Variants in TMEM248 observed in about 807,000 individuals in gnomAD.
TMEM248 encodes UPF0458 protein C7orf42.
A neutral mutation model predicts 30.3 loss-of-function variants in TMEM248; 9 were observed. The observed-to-expected ratio is 0.30, with a 90% CI of 0.18 to 0.52. The LOEUF is 0.52. TMEM248 is among the 20% of genes least tolerant of loss of function. TMEM248 has a pLI of 0.97. For missense variants in TMEM248, 338 were observed against 403.3 expected (o/e 0.84, Z 1.39); for synonymous variants, 184 against 154.4 (o/e 1.19, Z -1.42).
chr7:66,928,475 A>G (rs1014573644), intron 1 of TMEM248, among the ~76,000 whole-genome samples: 7 of 152,182 alleles, frequency 4.6e-5, no homozygotes, highest in Non-Finnish European at 8.8e-5. Flanking sequence ...AGTACAAATT[A>G]CTTAAGCTCA....
Position 66,941,954 on chromosome 7 carries a change from T to C in TMEM248, c.89T>C (p.Met30Thr), listed in dbSNP as rs769429143. The C allele has an allele frequency of 6.2e-7, 1 of 1,614,152 alleles. No individual in the cohort carries two copies. The highest frequency in any genetic ancestry group is 1.3e-5 in the African/African-American group (1 of 75,032). Reference sequence around the variant, plus strand: ...GTCTTCATGATCAGCGTAAGCGCCATGGCCATAGCTTTCCTGACCCTGGGC... The same window carrying C: ...GTCTTCATGATCAGCGTAAGCGCCACGGCCATAGCTTTCCTGACCCTGGGC... ...LVVFMISVSA[M>T]AIAFLTLGYF... Residue 30 changes from methionine (M) to threonine (T), a missense_variant, in exon 2 of 7, where the codon ATG becomes ACG. Met to Thr is a moderately conservative substitution (Grantham distance 81). Transcript: ENST00000341567.
At chr7:66,945,379 T>C in intron 3 of TMEM248, 118 bp downstream of exon 3, 1 of 1,172,382 alleles carries the variant, frequency 8.5e-7, no homozygotes, top group Non-Finnish European at 1.2e-6. Context: ...GCGCGTGTCT[T>C]TTTTTTGTTG....
In TMEM248 at chr7:66,953,288, G is replaced by A. The variant is rs1206633366; in HGVS notation, c.843G>A (p.Val281=). 6 of 1,613,966 alleles carry A rather than the reference G, an allele frequency of 3.7e-6. No homozygotes were observed. In the African/African-American group the frequency reaches 4.0e-5, roughly 11 times the overall value. ...MHTSYFLFVM[V]ITMFCYAVIK... is the part of the protein sequence containing the mutation. Reference sequence around the variant, plus strand: ...CCAGTTACTTCCTCTTTGTGATGGTGATAACAATGTTTTGCTATGCTGTTA... The same window carrying A: ...CCAGTTACTTCCTCTTTGTGATGGTAATAACAATGTTTTGCTATGCTGTTA... The change falls in exon 6 of 7, where the codon GTG becomes GTA. Residue 281 remains valine (V), a synonymous_variant. Transcript: ENST00000341567.
Position 66,957,516 on chromosome 7 carries a change from A to G in TMEM248, c.*1994A>G, listed in dbSNP as rs1439277275. On this transcript the variant is annotated 3_prime_UTR_variant, in exon 7 of 7. Transcript: ENST00000341567. ...CTCCTTAGAGACTTTGAGACCCTTA[A>G]GAGACAAGATTGAGAAAGAGCCATG... 1 of 152,240 alleles carries G rather than the reference A, an allele frequency of 6.6e-6. No individual in the cohort carries two copies. The highest frequency in any genetic ancestry group is 1.9e-4 in the East Asian group (1 of 5,206). 9.4% of individuals were successfully genotyped at this position (152,240 alleles called of 1,614,324 possible).
chr7:66,924,744 CTTG>C (rs900106472), intron 1 of TMEM248, among the ~76,000 whole-genome samples: 2 of 151,370 alleles, frequency 1.3e-5, no homozygotes, highest in Admixed American at 1.3e-4. Flanking sequence ...GGAGTCTCAC[CTTG>C]TTGTCTGGGC....
At chr7:66,922,766 T>G (rs964733707) in intron 1 of TMEM248, among the ~76,000 whole-genome samples, 5 of 151,884 alleles carry the variant, frequency 3.3e-5, no homozygotes, top group Non-Finnish European at 7.4e-5. Flanking sequence ...AGTGCAGTGG[T>G]GCGATCTCTG....
intron 1 of TMEM248, among the ~76,000 whole-genome samples, chr7:66,926,844 G>A (rs1468488905): frequency 2.0e-5 from 3 of 152,184 alleles, no homozygotes; most frequent in South Asian, 2.1e-4. Context: ...TTTTTTCTGC[G>A]TGTGATTACA....
At chr7:66,940,987 C>T (rs1380502295) in intron 1 of TMEM248, among the ~76,000 whole-genome samples, 1 of 152,160 alleles carries the variant, frequency 6.6e-6, no homozygotes, top group African/African-American at 2.4e-5. Flanking sequence ...CGGTGACTCA[C>T]ACTTGCAATC....
At chr7:66,928,332 GT>G (rs140842093) in intron 1 of TMEM248, among the ~76,000 whole-genome samples, 14 of 144,426 alleles carry the variant, frequency 9.7e-5, no homozygotes, top group Admixed American at 1.4e-4. Context: ...CATGTGAGTT[GT>G]TTTTTTTTTT....
chr7:66,953,187 G>C, intron 5 of TMEM248, 39 bp from the exon 6 acceptor site: 1 of 1,609,552 alleles, frequency 6.2e-7, no homozygotes, highest in South Asian at 1.1e-5. Context: ...CAGTCACTCA[G>C]AGCAGATGTT....
rs1444399731 is a variant in TMEM248 at position 66,958,157 on chromosome 7, C to T, written c.*2635C>T. On this transcript the variant is annotated 3_prime_UTR_variant, in exon 7 of 7. Transcript: ENST00000341567. The stretch of plus-strand genomic sequence containing the variant: ...TTCAGGGCGGCCCCGTGCAGGAGCA[C>T]CAGCTCACCCTCAGGCATCTCGGAC... 1 of 152,722 alleles carries T rather than the reference C, an allele frequency of 6.5e-6. No individual in the cohort carries two copies. The allele number at this position is 152,722 out of a possible 1,614,324, so 9.5% of individuals were successfully genotyped here.
chr7:66,925,021 T>A (rs1791486813), intron 1 of TMEM248, among the ~76,000 whole-genome samples: 1 of 151,924 alleles, frequency 6.6e-6, no homozygotes, highest in African/African-American at 2.4e-5. Flanking sequence ...ATTTTTTAAT[T>A]AAAAAAAATA....
intron 1 of TMEM248, among the ~76,000 whole-genome samples, chr7:66,929,426 ATTTTTTTTTT>A (rs35126436): frequency 1.6e-4 from 16 of 97,636 alleles, no homozygotes; most frequent in South Asian, 8.6e-4. Context: ...TGAGAGACAA[ATTTTTTTTTT>A]TTTTTTTTTT....
At position 66,939,129 on chromosome 7, in the gene TMEM248, A is replaced by G. The variant is rs149750708; in HGVS notation, c.-18-2719A>G. Among the ~76,000 whole-genome samples the G allele has an allele frequency of 2.4e-3, 372 of 152,358 alleles. 1 individual carries two copies. Among genetic ancestry groups the G allele is most frequent in the Non-Finnish European group, 3.9e-3 (266 of 68,032 alleles). ...CATATTAATATGCCTTAGGAAATCA[A>G]GTGTTGGCACAAATCTCATGGAATG... On this transcript the variant is annotated intron_variant, in intron 1 of 6. Transcript: ENST00000341567.
intron 1 of TMEM248, chr7:66,930,861 A>T (rs1396725798): frequency 6.5e-6 from 1 of 152,672 alleles, no homozygotes; most frequent in Non-Finnish European, 1.5e-5. Flanking sequence ...ACTTTCTGCT[A>T]CATGAAGGTG....
intron 1 of TMEM248, among the ~76,000 whole-genome samples, chr7:66,940,234 A>C (rs1290133902): frequency 6.6e-6 from 1 of 152,176 alleles, no homozygotes; most frequent in East Asian, 1.9e-4. Context: ...GATTACAAGC[A>C]TGAGCCACTG....
intron 1 of TMEM248, among the ~76,000 whole-genome samples, chr7:66,923,897 G>A (rs116579791): frequency 2.0e-5 from 3 of 151,976 alleles, no homozygotes; most frequent in Non-Finnish European, 2.9e-5. Context: ...AACCCTTGAC[G>A]TCAAGTGATC....
chr7:66,922,404 G>T (rs546864183), intron 1 of TMEM248, among the ~76,000 whole-genome samples: 18 of 152,172 alleles, frequency 1.2e-4, no homozygotes, highest in Non-Finnish European at 2.1e-4. Flanking sequence ...GCGCTTGACC[G>T]ATAAGGGTGT....
chr7:66,948,202 T>C (rs1176396297), intron 3 of TMEM248, among the ~76,000 whole-genome samples: 1 of 152,232 alleles, frequency 6.6e-6, no homozygotes, highest in African/African-American at 2.4e-5. Flanking sequence ...AGTGAAATAA[T>C]ACATATAAAA....
Sources: allele counts gnomAD v4.1 joint callset (sites outside exome capture counted in the v4.1 genomes callset), GRCh38; gene constraint gnomAD v4.1.1; transcripts MANE v1.5; gene names NCBI Gene and HGNC (gene_info 2026-07-23, HGNC 2026-07-21).